Variants in R3HDM2 observed in about 807,000 individuals in gnomAD.
R3HDM2 encodes the protein R3H domain containing 2.
R3HDM2 carries 38 observed loss-of-function variants against 124.5 expected under a neutral mutation model. The observed-to-expected ratio is 0.31, with a 90% CI of 0.24 to 0.40. The LOEUF is 0.40. Among genes scored for constraint, R3HDM2 ranks in the 10% least tolerant of loss-of-function variants. R3HDM2 has a pLI of 1.00. For synonymous variants in R3HDM2, 391 were observed against 448.0 expected (o/e 0.87, Z 1.61); for missense variants, 869 against 1,236.9 (o/e 0.70, Z 4.46).
At chr12:57,363,457 G>C (rs1449800456) in intron 2 of R3HDM2, among the ~76,000 whole-genome samples, 2 of 152,100 alleles carry the variant, frequency 1.3e-5, no homozygotes, top group African/African-American at 4.8e-5. Flanking sequence ...TATAGGGAGA[G>C]ATTTGTTAAA....
chr12:57,314,854 C>A (rs1459499415), intron 2 of R3HDM2, among the ~76,000 whole-genome samples: 2 of 151,810 alleles, frequency 1.3e-5, no homozygotes, highest in Non-Finnish European at 2.9e-5. Flanking sequence ...AATTATAAAG[C>A]AGTTTTCGTT....
At chr12:57,364,143 C>CTTTTTTTTGT (rs2062305834) in intron 2 of R3HDM2, among the ~76,000 whole-genome samples, 1 of 81,670 alleles carries the variant, frequency 1.2e-5, no homozygotes. Flanking sequence ...GACTCGGTGT[C>CTTTTTTTTGT]TTTTTTTTTT....
intron 2 of R3HDM2, among the ~76,000 whole-genome samples, chr12:57,361,216 A>G (rs1313562214): frequency 6.6e-6 from 1 of 151,226 alleles, no homozygotes; most frequent in Non-Finnish European, 1.5e-5. Context: ...TCTCTACTAA[A>G]AATACAAAAT....
intron 2 of R3HDM2, among the ~76,000 whole-genome samples, chr12:57,389,534 T>G (rs2066357307): frequency 6.6e-6 from 1 of 152,238 alleles, no homozygotes. Context: ...TAAGCACACC[T>G]TGGAATACAC....
In R3HDM2 at chr12:57,280,359, T is replaced by G. The variant is rs746986550; in HGVS notation, c.1343A>C (p.Gln448Pro). 2.3e-5 allele frequency: 37 copies of G among 1,612,594 alleles called. No individual in the cohort carries two copies. ...CTCTGACACTGAGTGGTGACTCACC[T>G]GTGAGATCATGTGATTATTCAAGGG... ...QPPLNNHMIS[Q>P]ADDLSNPFGQ... is the part of the protein sequence containing the mutation. Residue 448 changes from glutamine to proline, a missense_variant and splice_region_variant, in exon 14 of 24, where the codon CAG becomes CCG. Gln to Pro is a moderately conservative substitution (Grantham distance 76, BLOSUM62 -1). Transcript: ENST00000402412.
At chr12:57,291,085 T>C (rs770446346) in intron 11 of R3HDM2, among the ~76,000 whole-genome samples, 1 of 152,208 alleles carries the variant, frequency 6.6e-6, no homozygotes, top group Non-Finnish European at 1.5e-5. Context: ...TGGACTTTTC[T>C]GACTCAGAAT....
chr12:57,306,797 C>G (rs946419593), intron 3 of R3HDM2, among the ~76,000 whole-genome samples: 8 of 152,082 alleles, frequency 5.3e-5, no homozygotes, highest in Non-Finnish European at 2.9e-5. Context: ...GATGGATCAC[C>G]TGAGGTCAGG....
intron 1 of R3HDM2, 31 bp downstream of exon 1, chr12:57,430,689 G>C (rs1328275284): frequency 1.5e-6 from 1 of 677,044 alleles, no homozygotes; most frequent in East Asian, 1.4e-4. Context: ...CGTCCGGGCC[G>C]CCCGCCCCCT....
intron 2 of R3HDM2, among the ~76,000 whole-genome samples, chr12:57,318,135 C>T (rs2055580452): frequency 6.6e-6 from 1 of 150,704 alleles, no homozygotes. Context: ...ACTAAAAATA[C>T]AAAAATTAGC....
chr12:57,348,112 C>G (rs1363888485), intron 2 of R3HDM2, among the ~76,000 whole-genome samples: 1 of 152,116 alleles, frequency 6.6e-6, no homozygotes, highest in East Asian at 1.9e-4. Context: ...AAATATATCA[C>G]TGTAAGTGGA....
rs562723895 is a variant in R3HDM2 at position 57,424,644 on chromosome 12, G to A, written c.-106+6076C>T. Among the ~76,000 whole-genome samples the A allele has an allele frequency of 7.2e-5, 11 of 152,204 alleles. No individual in the cohort carries two copies. In the South Asian group the frequency reaches 2.3e-3, roughly 31 times the overall value. On this transcript the variant is annotated intron_variant, in intron 1 of 23. Coordinates refer to ENST00000402412, the MANE Select transcript of R3HDM2 (RefSeq NM_001394031.1). ...ACAAAAACCATAAATTCTTACAATT[G>A]TCATACGCAACAAAGACACAGGCCC...
At chr12:57,399,717 G>C (rs1028393704) in intron 1 of R3HDM2, among the ~76,000 whole-genome samples, 1 of 152,094 alleles carries the variant, frequency 6.6e-6, no homozygotes, top group South Asian at 2.1e-4. Flanking sequence ...CACCAAAATG[G>C]CTGTAATCTG....
At position 57,283,940 on chromosome 12, in the gene R3HDM2, C is replaced by T. The variant is rs760493792; in HGVS notation, c.1055G>A (p.Arg352Gln). The T allele has an allele frequency of 1.8e-5, 29 of 1,613,958 alleles. No individual in the cohort carries two copies. The highest frequency in any genetic ancestry group is 5.0e-5 in the Admixed American group (3 of 59,976). ...WSSTDSDGSVRSMRPPVTKAS... is the reference protein window; with the variant it reads ...WSSTDSDGSVQSMRPPVTKAS... ...TTTGGTGACAGGGGGTCGCATGCTC[C>T]GGACAGAGCCATCAGAGTCTGTGCT... Residue 352 changes from arginine to glutamine, a missense_variant, in exon 13 of 24, where the codon CGG (arginine) becomes CAG (glutamine). This residue lies in a region of R3HDM2 where 267 missense variants were observed against 447.7 expected (regional missense o/e 0.60). Transcript: ENST00000402412.
At chr12:57,286,356 CAT>C (rs773619800) in intron 12 of R3HDM2, among the ~76,000 whole-genome samples, 11 of 152,188 alleles carry the variant, frequency 7.2e-5, no homozygotes, top group East Asian at 3.9e-4. Flanking sequence ...GGGGAGCTGC[CAT>C]AGTTATTGTC....
intron 22 of R3HDM2, 136 bp from the exon 23 acceptor site, chr12:57,256,210 G>C: frequency 1.0e-6 from 1 of 965,240 alleles, no homozygotes; most frequent in South Asian, 1.5e-5. Flanking sequence ...GTTGGCCATG[G>C]AGCAGCGACT....
At chr12:57,270,910 T>C (rs549258440) in intron 14 of R3HDM2, among the ~76,000 whole-genome samples, 1 of 152,316 alleles carries the variant, frequency 6.6e-6, no homozygotes, top group South Asian at 2.1e-4. Context: ...ATGGGAGCTA[T>C]GACACAATTA....
chr12:57,263,346 G>A (rs976674389), intron 19 of R3HDM2, among the ~76,000 whole-genome samples: 1 of 152,140 alleles, frequency 6.6e-6, no homozygotes, highest in African/African-American at 2.4e-5. Flanking sequence ...ATACCCCACT[G>A]GAAATTTTAA....
intron 2 of R3HDM2, among the ~76,000 whole-genome samples, chr12:57,369,734 G>C (rs116348519): frequency 0.012 from 1,831 of 152,242 alleles, 31 homozygotes; most frequent in African/African-American, 0.042. Context: ...AGTAGGAACA[G>C]TTCGTAAGAT....
chr12:57,378,534 C>G (rs2064392081), intron 2 of R3HDM2, among the ~76,000 whole-genome samples: 1 of 152,076 alleles, frequency 6.6e-6, no homozygotes, highest in South Asian at 2.1e-4. Flanking sequence ...TATGCCACCA[C>G]GACTGGCTAA....
Sources: gnomAD v4.1 joint callset for allele counts (sites outside exome capture counted in the v4.1 genomes callset) on GRCh38, gnomAD v4.1.1 for gene constraint, gnomAD v4.1.1 regional missense constraint, MANE v1.5 for transcripts, NCBI Gene and HGNC (gene_info 2026-07-23, HGNC 2026-07-21) for gene names.